CAMSAP1: variants seen among roughly 807,000 people sequenced by gnomAD.
The protein encoded by CAMSAP1 is calmodulin regulated spectrin associated protein 1.
In CAMSAP1, 58 loss-of-function variants were observed where a neutral mutation model predicts 143.5. The ratio of observed to expected loss-of-function variants is 0.40; its 90% CI spans 0.33 to 0.50. The LOEUF (loss-of-function observed/expected upper bound fraction) is 0.50. Ranked by LOEUF, CAMSAP1 falls within the 20% of genes least tolerant of loss-of-function variation. CAMSAP1 has a pLI of 0.45. For missense variants in CAMSAP1, 1,969 were observed against 2,115.7 expected, an observed-to-expected ratio of 0.93 and a Z score of 1.36; for synonymous variants, 945 against 859.3, an observed-to-expected ratio of 1.10 and a Z score of -1.74.
At chr9:135,814,998 A>G (rs3739465) in intron 16 of CAMSAP1, 99 bp downstream of exon 16, 282,986 of 848,598 alleles carry the variant, frequency 0.33, 51,082 homozygotes, top group African/African-American at 0.61. Context: ...AGTAACTCTC[A>G]TGCATCAAAG....
At chr9:135,892,055 C>T (rs1838305884) in intron 1 of CAMSAP1, among the ~76,000 whole-genome samples, 2 of 152,136 alleles carry the variant, frequency 1.3e-5, no homozygotes, top group Admixed American at 1.3e-4. Flanking sequence ...GTCAAAAGTT[C>T]CAACACTGTC....
chr9:135,892,329 AC>A (rs1315343518), intron 1 of CAMSAP1, among the ~76,000 whole-genome samples: 8 of 152,194 alleles, frequency 5.3e-5, no homozygotes, highest in African/African-American at 1.9e-4. Flanking sequence ...AACAAAAAAG[AC>A]ACGATTAAAA....
At position 135,816,023 on chromosome 9, in the gene CAMSAP1, C is replaced by T. The variant is rs1835218346; in HGVS notation, c.4272-18G>A. 6.2e-7 allele frequency: 1 copy of T among 1,610,612 alleles called. No individual in the cohort carries two copies. Among genetic ancestry groups the T allele is most frequent in the East Asian group, 2.2e-5 (1 of 44,840 alleles). On this transcript the variant is annotated intron_variant, in intron 14 of 16. Coordinates refer to ENST00000389532, the MANE Select transcript of CAMSAP1 (RefSeq NM_015447.4). ...ATTCCACTCTGCAGGCAGAAACAGA[C>T]AAGAGACAGGCAGGTGAAGCGCTGG...
Position 135,818,086 on chromosome 9 carries a change from G to T in CAMSAP1, c.4169-7C>A, listed in dbSNP as rs1402035863. 1 of 1,613,428 alleles carries T rather than the reference G, an allele frequency of 6.2e-7. No individual in the cohort carries two copies. The highest frequency in any genetic ancestry group is 1.1e-5 in the South Asian group (1 of 91,054). ...GTCCGGCTCAAGTTATCAGCTGCCA[G>T]AGACAGAAACAGACGACGGTTCATG... On this transcript the variant is annotated splice_region_variant and splice_polypyrimidine_tract_variant and intron_variant, in intron 13 of 16. Transcript: ENST00000389532. The surrounding 1 kb of genome is among the most constrained non-coding windows in gnomAD (Gnocchi z 7.7).
intron 5 of CAMSAP1, 93 bp downstream of exon 5, chr9:135,862,371 CTCT>C: frequency 4.6e-6 from 6 of 1,290,340 alleles, no homozygotes; most frequent in East Asian, 2.6e-5. Context: ...CATTTTCTTT[CTCT>C]TTTTTTTTTT....
intron 1 of CAMSAP1, among the ~76,000 whole-genome samples, chr9:135,896,631 T>G (rs917551768): frequency 1.3e-5 from 2 of 152,162 alleles, no homozygotes; most frequent in African/African-American, 4.8e-5. Context: ...AAGACAAACC[T>G]TAACAAGTAT....
intron 3 of CAMSAP1, among the ~76,000 whole-genome samples, chr9:135,875,202 G>A (rs1837698922): frequency 1.6e-5 from 2 of 125,176 alleles, no homozygotes; most frequent in South Asian, 5.6e-4. Flanking sequence ...ACCTAGAATA[G>A]TGAAAACAAT....
intron 1 of CAMSAP1, 124 bp downstream of exon 1, chr9:135,906,876 C>A (rs1175644442): frequency 7.4e-6 from 4 of 539,678 alleles, no homozygotes; most frequent in African/African-American, 6.2e-5. Context: ...GGCCCAGCCC[C>A]GACCCTGTGC....
At chr9:135,875,462 C>T (rs1354008999) in intron 3 of CAMSAP1, among the ~76,000 whole-genome samples, 1 of 152,146 alleles carries the variant, frequency 6.6e-6, no homozygotes, top group African/African-American at 2.4e-5. Flanking sequence ...CCACCCGCCT[C>T]AGCCTCCCAA....
Position 135,824,751 on chromosome 9 carries a change from G to A in CAMSAP1, c.1315+38C>T, listed in dbSNP as rs1835611774. On this transcript the variant is annotated intron_variant, in intron 9 of 16. Coordinates refer to ENST00000389532, the MANE Select transcript of CAMSAP1 (RefSeq NM_015447.4). This position sits in a 1 kb window ranked among gnomAD's most constrained non-coding sequence, Gnocchi z 4.1. Reference sequence around the variant, plus strand: ...TATGATTTTACTAATCTATAGTAAGGAGAAATTAAGGAAAAAAGGAGGAAA... The same window carrying A: ...TATGATTTTACTAATCTATAGTAAGAAGAAATTAAGGAAAAAAGGAGGAAA... 7.6e-7 allele frequency: 1 copy of A among 1,313,946 alleles called. No individual in the cohort carries two copies. The allele number at this position is 1,313,946 out of a possible 1,614,324, so 81.4% of individuals were successfully genotyped here. A position where few individuals can be genotyped will look rare whatever the true frequency, so the allele number is the denominator to read the frequency against.
At chr9:135,879,913 G>A (rs1190436740) in intron 3 of CAMSAP1, among the ~76,000 whole-genome samples, 1 of 151,680 alleles carries the variant, frequency 6.6e-6, no homozygotes, top group Non-Finnish European at 1.5e-5. Context: ...AAGCAGAAAC[G>A]TGGCTTACGA....
intron 2 of CAMSAP1, 46 bp from the exon 3 acceptor site, chr9:135,881,840 T>A: frequency 6.5e-7 from 1 of 1,543,934 alleles, no homozygotes; most frequent in Non-Finnish European, 8.8e-7. Context: ...CCACCCCTCT[T>A]ACCAGGTTCT....
rs772896325 is a variant in CAMSAP1, at chr9:135,820,610, G to A, written c.3822+229C>T. On this transcript the variant is annotated intron_variant, in intron 11 of 16. Coordinates refer to ENST00000389532, the MANE Select transcript of CAMSAP1 (RefSeq NM_015447.4). This position sits in a 1 kb window ranked among gnomAD's most constrained non-coding sequence, Gnocchi z 4.4. ...CAGTTTCAGGGCTCATAACAAAGTCGTCTCAGCCACACCACGCTCACTTGC... is the reference window on the plus strand; with the variant it reads ...CAGTTTCAGGGCTCATAACAAAGTCATCTCAGCCACACCACGCTCACTTGC... Among the ~76,000 whole-genome samples the A allele has an allele frequency of 2.0e-5, 3 of 151,926 alleles. No homozygotes were observed. The highest frequency in any genetic ancestry group is 2.9e-5 in the Non-Finnish European group (2 of 68,006).
At chr9:135,847,360 AAAT>A (rs1836592480) in intron 7 of CAMSAP1, among the ~76,000 whole-genome samples, 1 of 152,060 alleles carries the variant, frequency 6.6e-6, no homozygotes, top group African/African-American at 2.4e-5. Context: ...GTCTCGAAAA[AAAT>A]AATAAAATAA....
intron 1 of CAMSAP1, among the ~76,000 whole-genome samples, chr9:135,892,424 C>T (rs1054415856): frequency 3.9e-5 from 6 of 152,130 alleles, no homozygotes; most frequent in Non-Finnish European, 8.8e-5. Flanking sequence ...ACAAAATAGG[C>T]TGGGTGTGGT....
intron 7 of CAMSAP1, among the ~76,000 whole-genome samples, chr9:135,830,187 A>G (rs1390270142): frequency 1.3e-5 from 2 of 152,234 alleles, no homozygotes; most frequent in East Asian, 3.8e-4. Flanking sequence ...AACAGTTAAC[A>G]AAATGGAAAA....
chr9:135,907,102 G>A lies in CAMSAP1; in HGVS notation c.58C>T (p.Pro20Ser), dbSNP rs1838808763. Residue 20 changes from proline to serine, a missense_variant, in exon 1 of 17, where the codon CCG (proline) becomes TCG (serine). Around this residue, in one of 4 missense-constraint regions of CAMSAP1, gnomAD observed 215 missense variants for 196.2 expected, o/e 1.10. Coordinates refer to ENST00000389532, the MANE Select transcript of CAMSAP1 (RefSeq NM_015447.4). ...GGCACGAGGTCGGCGGCGCCGTCCG[G>A]CGGGGCCTCCATCTTCCTCCAGCCC... Reference protein sequence around the residue: ...AEGWRKMEAPPDGAADLVPLD... With the variant: ...AEGWRKMEAPSDGAADLVPLD... 2 of 1,142,954 alleles carry A rather than the reference G, an allele frequency of 1.7e-6. No individual in the cohort carries two copies. Among genetic ancestry groups the A allele is most frequent in the African/African-American group, 1.7e-5 (1 of 60,198 alleles). 70.8% of individuals were successfully genotyped at this position (1,142,954 alleles called of 1,614,324 possible).
chr9:135,837,015 G>A (rs1836082511), intron 7 of CAMSAP1: 1 of 890,916 alleles, frequency 1.1e-6, no homozygotes, highest in Non-Finnish European at 1.3e-6. Context: ...CTGTTCTAGA[G>A]ACACACGTCA....
intron 7 of CAMSAP1, among the ~76,000 whole-genome samples, chr9:135,835,854 C>A (rs969126805): frequency 1.3e-5 from 2 of 152,168 alleles, no homozygotes; most frequent in African/African-American, 4.8e-5. Context: ...GTGGTGCGCA[C>A]CTGTAATCCC....
Sources: gnomAD v4.1 joint callset for allele counts (sites outside exome capture counted in the v4.1 genomes callset) on GRCh38, gnomAD v4.1.1 for gene constraint, gnomAD v4.1.1 regional missense constraint, Gnocchi (gnomAD v3.1) non-coding constraint, MANE v1.5 for transcripts, NCBI Gene and HGNC (gene_info 2026-07-23, HGNC 2026-07-21) for gene names.